The following PNMA2 variants were observed in gnomAD, a reference collection of about 807,000 sequenced individuals.
The protein encoded by PNMA2 is paraneoplastic antigen Ma2.
For missense variants in PNMA2, 455 were observed against 452.9 expected (o/e 1.00, Z -0.04); for synonymous variants, 175 against 183.5 (o/e 0.95, Z 0.38).
rs1444144154 is a variant in PNMA2 at position 26,504,708 on chromosome 8, A to T, written c.*2953T>A. 2 of 152,664 alleles carry T rather than the reference A, an allele frequency of 1.3e-5. No homozygotes were observed. The highest frequency in any genetic ancestry group is 2.9e-5 in the Non-Finnish European group (2 of 68,036). The allele number at this position is 152,664 out of a possible 1,614,324, so 9.5% of individuals were successfully genotyped here. A position where few individuals can be genotyped will look rare whatever the true frequency, so the allele number is the denominator to read the frequency against. The stretch of plus-strand genomic sequence containing the variant: ...AAACAGAAAAACTCAGGATTTTATT[A>T]GCATATATTTATTTTATAACTTCAC... On this transcript the variant is annotated 3_prime_UTR_variant, in exon 3 of 3. Transcript: ENST00000522362.
chr8:26,507,405 C>G lies in PNMA2; in HGVS notation c.*256G>C. On this transcript the variant is annotated 3_prime_UTR_variant, in exon 3 of 3. Coordinates refer to ENST00000522362, the MANE Select transcript of PNMA2 (RefSeq NM_007257.6). ...GAGCCGAGATTTTTGTGCCACTGCA[C>G]TCTAGCCTGGGTGATGAGAGTGAGA... 1 of 344,382 alleles carries G rather than the reference C, an allele frequency of 2.9e-6. No individual in the cohort carries two copies. Among genetic ancestry groups the G allele is most frequent in the Non-Finnish European group, 5.2e-6 (1 of 193,594 alleles). The allele number at this position is 344,382 out of a possible 1,614,324, so 21.3% of individuals were successfully genotyped here. A position where few individuals can be genotyped will look rare whatever the true frequency, so the allele number is the denominator to read the frequency against.
intron 1 of PNMA2, among the ~76,000 whole-genome samples, chr8:26,511,179 T>C (rs1808147808): frequency 6.7e-6 from 1 of 149,466 alleles, no homozygotes; most frequent in Admixed American, 6.7e-5. Flanking sequence ...AAGTTAGAGT[T>C]CCTAATACCT....
Position 26,507,863 on chromosome 8 carries a change from A to G in PNMA2, c.893T>C (p.Val298Ala). 3 of 1,614,118 alleles carry G rather than the reference A, an allele frequency of 1.9e-6. No individual in the cohort carries two copies. The highest frequency in any genetic ancestry group is 1.1e-5 in the South Asian group (1 of 91,080). Residue 298 changes from valine to alanine, a missense_variant, in exon 3 of 3, where the codon GTC becomes GCC. By Grantham distance (64) the Val-to-Ala change is moderately conservative (BLOSUM62 0). Coordinates refer to ENST00000522362, the MANE Select transcript of PNMA2 (RefSeq NM_007257.6). ...RIADQVRLEQ[V>A]MAGATLNQML... is the part of the protein sequence containing the mutation. The stretch of plus-strand genomic sequence containing the variant: ...CTGGTTAAGAGTGGCCCCAGCCATG[A>G]CCTGCTCCAGGCGGACCTGGTCCGC...
At chr8:26,513,566 C>T (rs1336485934) in intron 1 of PNMA2, among the ~76,000 whole-genome samples, 1 of 152,212 alleles carries the variant, frequency 6.6e-6, no homozygotes, top group African/African-American at 2.4e-5. Context: ...TATCCTTGCT[C>T]ATCTTCAGTG....
Position 26,508,984 on chromosome 8 carries a change from C to A in PNMA2, c.-229G>T. ...GGACTTCTTGTCTTTAGGCCTGACC[C>A]AGGTGGGCAGGTCGTATCTCAGTTC... On this transcript the variant is annotated 5_prime_UTR_variant, in exon 3 of 3. Coordinates refer to ENST00000522362, the MANE Select transcript of PNMA2 (RefSeq NM_007257.6). This position sits in a 1 kb window ranked among gnomAD's most constrained non-coding sequence, Gnocchi z 5.5. 1 of 1,188,384 alleles carries A rather than the reference C, an allele frequency of 8.4e-7. No individual in the cohort carries two copies. Among genetic ancestry groups the A allele is most frequent in the Non-Finnish European group, 1.1e-6 (1 of 909,658 alleles). The allele number at this position is 1,188,384 out of a possible 1,614,324, so 73.6% of individuals were successfully genotyped here. A position where few individuals can be genotyped will look rare whatever the true frequency, so the allele number is the denominator to read the frequency against.
chr8:26,507,479 G>A lies in PNMA2; in HGVS notation c.*182C>T, dbSNP rs772399440. 7.0e-5 allele frequency: 35 copies of A among 499,456 alleles called. No homozygotes were observed. The highest frequency in any genetic ancestry group is 1.0e-3 in the Middle Eastern group (2 of 1,956). The allele number at this position is 499,456 out of a possible 1,614,324, so 30.9% of individuals were successfully genotyped here. ...AAAAAGAAAAAAGGAAGGAAGGAAG[G>A]AAAGAGAGGAGAGGAGAGGAGAGAG... On this transcript the variant is annotated 3_prime_UTR_variant, in exon 3 of 3. Transcript: ENST00000522362.
intron 1 of PNMA2, among the ~76,000 whole-genome samples, chr8:26,510,743 C>T (rs1159698538): frequency 1.3e-5 from 2 of 152,194 alleles, no homozygotes; most frequent in Admixed American, 1.3e-4. Flanking sequence ...ATCACCACAC[C>T]CAGCCTTTCC....
rs776134898 is a variant in PNMA2, at chr8:26,508,538, G to A, written c.218C>T (p.Thr73Ile). The A allele has an allele frequency of 1.9e-6, 3 of 1,614,194 alleles. No individual in the cohort carries two copies. The highest frequency in any genetic ancestry group is 2.5e-6 in the Non-Finnish European group (3 of 1,180,028). Reference protein sequence around the residue: ...NAVLLELLEDTDVSAIPSEVQ... With the variant: ...NAVLLELLEDIDVSAIPSEVQ... The stretch of plus-strand genomic sequence containing the variant: ...CTCACTGGGAATGGCCGAGACATCA[G>A]TATCTTCCAGAAGCTCTAGTAAGAC... The change falls in exon 3 of 3, where the codon ACT becomes ATT. Residue 73 changes from threonine to isoleucine, a missense_variant. Coordinates refer to ENST00000522362, the MANE Select transcript of PNMA2 (RefSeq NM_007257.6). This position sits in a 1 kb window ranked among gnomAD's most constrained non-coding sequence, Gnocchi z 5.5.
chr8:26,507,425 G>A lies in PNMA2; in HGVS notation c.*236C>T. The A allele has an allele frequency of 2.4e-6, 1 of 414,872 alleles. No individual in the cohort carries two copies. Among genetic ancestry groups the A allele is most frequent in the Non-Finnish European group, 4.2e-6 (1 of 237,684 alleles). The allele number at this position is 414,872 out of a possible 1,614,324, so 25.7% of individuals were successfully genotyped here. A position where few individuals can be genotyped will look rare whatever the true frequency, so the allele number is the denominator to read the frequency against. On this transcript the variant is annotated 3_prime_UTR_variant, in exon 3 of 3. Transcript: ENST00000522362. ...CTGCACTCTAGCCTGGGTGATGAGA[G>A]TGAGACCCAAGAAATAAAGAAGAAA...
chr8:26,508,832 GA>G lies in PNMA2; in HGVS notation c.-78del. 6.6e-7 allele frequency: 1 copy of G among 1,524,662 alleles called. No homozygotes were observed. Among genetic ancestry groups the G allele is most frequent in the Non-Finnish European group, 8.8e-7 (1 of 1,138,950 alleles). 94.4% of individuals were successfully genotyped at this position (1,524,662 alleles called of 1,614,324 possible). A position where few individuals can be genotyped will look rare whatever the true frequency, so the allele number is the denominator to read the frequency against. Reference sequence around the variant, plus strand: ...TGCAGCTATGCACTGACTTAATATTGAAAATATCCTGGATGAGCTTCTAACC... The same window carrying G: ...TGCAGCTATGCACTGACTTAATATTGAAATATCCTGGATGAGCTTCTAACC... On this transcript the variant is annotated 5_prime_UTR_variant, in exon 3 of 3. Coordinates refer to ENST00000522362, the MANE Select transcript of PNMA2 (RefSeq NM_007257.6). This position sits in a 1 kb window ranked among gnomAD's most constrained non-coding sequence, Gnocchi z 5.5.
In PNMA2 at chr8:26,504,890, T is replaced by A. The variant is rs145706580; in HGVS notation, c.*2771A>T. 6.6e-5 allele frequency: 10 copies of A among 152,586 alleles called. No individual in the cohort carries two copies. The highest frequency in any genetic ancestry group is 2.4e-4 in the African/African-American group (10 of 41,576). 9.5% of individuals were successfully genotyped at this position (152,586 alleles called of 1,614,324 possible). A position where few individuals can be genotyped will look rare whatever the true frequency, so the allele number is the denominator to read the frequency against. ...ATTTAGAAAGATAAATGATCACAAG[T>A]GATACCTTTTAAAAAATGCTTTTCT... On this transcript the variant is annotated 3_prime_UTR_variant, in exon 3 of 3. Transcript: ENST00000522362.
At position 26,511,205 on chromosome 8, in the gene PNMA2, G is replaced by A. The variant is rs976784935; in HGVS notation, c.-618-1528C>T. ...CCTAATACCTCCCAGTTACTGCTGC[G>A]GAGTGTGTGTTAAGGGGCTACAACC... On this transcript the variant is annotated intron_variant, in intron 1 of 2. Transcript: ENST00000522362. Among the ~76,000 whole-genome samples the A allele has an allele frequency of 4.6e-5, 7 of 151,628 alleles. No individual in the cohort carries two copies. In the East Asian group the frequency reaches 1.2e-3, roughly 25 times the overall value.
At position 26,509,944 on chromosome 8, in the gene PNMA2, TG is replaced by T. The variant is rs546794996; in HGVS notation, c.-618-268del. ...TGAATTAATTCTCTTTTGTTGTGTC[TG>T]GAAGGCTTTGCAAACACACATTTGG... On this transcript the variant is annotated intron_variant, in intron 1 of 2. Transcript: ENST00000522362. This position sits in a 1 kb window ranked among gnomAD's most constrained non-coding sequence, Gnocchi z 5.7. Among the ~76,000 whole-genome samples the T allele has an allele frequency of 3.3e-4, 51 of 152,368 alleles. No individual in the cohort carries two copies. The highest frequency in any genetic ancestry group is 1.2e-3 in the African/African-American group (50 of 41,588).
At position 26,507,926 on chromosome 8, in the gene PNMA2, C is replaced by T. The variant is rs1397501725; in HGVS notation, c.830G>A (p.Arg277Gln). 2 of 1,614,128 alleles carry T rather than the reference C, an allele frequency of 1.2e-6. No homozygotes were observed. The highest frequency in any genetic ancestry group is 2.2e-5 in the East Asian group (1 of 44,872). Residue 277 changes from arginine (R) to glutamine (Q), a missense_variant, in exon 3 of 3, where the codon CGG becomes CAG. Coordinates refer to ENST00000522362, the MANE Select transcript of PNMA2 (RefSeq NM_007257.6). ...AYVLRLETLLRRAVEKRAIPR... is the reference protein window; with the variant it reads ...AYVLRLETLLQRAVEKRAIPR... Reference sequence around the variant, plus strand: ...GATGGCGCGTTTCTCCACCGCTCTCCGGAGCAGGGTTTCTAGCCGTAACAC... The same window carrying T: ...GATGGCGCGTTTCTCCACCGCTCTCTGGAGCAGGGTTTCTAGCCGTAACAC...
In PNMA2 at chr8:26,505,768, A is replaced by G. The variant is rs1307940791; in HGVS notation, c.*1893T>C. ...CACTTTGGGAGGCCGAGGTGAGTGG[A>G]TCACTTGAGGTCAGGAGTTCGAGAC... On this transcript the variant is annotated 3_prime_UTR_variant, in exon 3 of 3. Coordinates refer to ENST00000522362, the MANE Select transcript of PNMA2 (RefSeq NM_007257.6). 6.6e-6 allele frequency: 1 copy of G among 152,222 alleles called. No homozygotes were observed. The highest frequency in any genetic ancestry group is 2.4e-5 in the African/African-American group (1 of 41,440). 9.4% of individuals were successfully genotyped at this position (152,222 alleles called of 1,614,324 possible).
At chr8:26,512,665 A>C (rs1808181627) in intron 1 of PNMA2, among the ~76,000 whole-genome samples, 1 of 152,146 alleles carries the variant, frequency 6.6e-6, no homozygotes, top group Non-Finnish European at 1.5e-5. Flanking sequence ...AAGGAGGGGC[A>C]CCATTTCTGC....
Position 26,508,043 on chromosome 8 carries a change from T to C in PNMA2, c.713A>G (p.Lys238Arg), listed in dbSNP as rs748084769. ...GCTCTCTAGGCTCCCAAACACTTGC[T>C]TAAAGGCCTCCAAACACTCTTCTAC... is the stretch of plus-strand genomic sequence containing the variant. ...ISVEECLEAF[K>R]QVFGSLESRR... Residue 238 changes from lysine (K) to arginine (R), a missense_variant, in exon 3 of 3, where the codon AAG becomes AGG. By Grantham distance (26) the Lys-to-Arg change is conservative (BLOSUM62 2). Coordinates refer to ENST00000522362, the MANE Select transcript of PNMA2 (RefSeq NM_007257.6). The surrounding 1 kb of genome is among the most constrained non-coding windows in gnomAD (Gnocchi z 5.5). 1 of 1,614,256 alleles carries C rather than the reference T, an allele frequency of 6.2e-7. No individual in the cohort carries two copies. Among genetic ancestry groups the C allele is most frequent in the Admixed American group, 1.7e-5 (1 of 60,026 alleles).
In PNMA2 at chr8:26,508,468, A is replaced by G; in HGVS notation, c.288T>C (p.Pro96=). The part of the protein sequence containing the change: ...GGVWKVIFKT[P]NQDTEFLERL... ...TTTCAAGAAACTCAGTGTCCTGATT[A>G]GGGGTCTTAAAGATCACCTTCCAGA... The change falls in exon 3 of 3, where the codon CCT becomes CCC. Residue 96 remains proline, a synonymous_variant. Coordinates refer to ENST00000522362, the MANE Select transcript of PNMA2 (RefSeq NM_007257.6). This position sits in a 1 kb window ranked among gnomAD's most constrained non-coding sequence, Gnocchi z 5.5. 4 of 1,614,244 alleles carry G rather than the reference A, an allele frequency of 2.5e-6. No individual in the cohort carries two copies. Among genetic ancestry groups the G allele is most frequent in the Non-Finnish European group, 3.4e-6 (4 of 1,180,054 alleles).
chr8:26,513,244 C>G (rs1808200518), intron 1 of PNMA2, among the ~76,000 whole-genome samples: 1 of 151,500 alleles, frequency 6.6e-6, no homozygotes, highest in South Asian at 2.1e-4. Flanking sequence ...AGTCGGTCTG[C>G]ACCCCGTCTT....
Sources: allele counts gnomAD v4.1 joint callset (sites outside exome capture counted in the v4.1 genomes callset), GRCh38; gene constraint gnomAD v4.1.1; non-coding constraint Gnocchi (gnomAD v3.1); transcripts MANE v1.5; gene names NCBI Gene and HGNC (gene_info 2026-07-23, HGNC 2026-07-21).